Variants in GIN1 observed in about 807,000 individuals in gnomAD.
GIN1 encodes the protein gypsy retrotransposon integrase-like protein 1.
GIN1 carries 41 observed loss-of-function variants against 51.4 expected under a neutral mutation model. The observed-to-expected ratio is 0.80, with a 90% CI of 0.62 to 1.04. GIN1 has a LOEUF of 1.04. Among genes scored for constraint, GIN1 ranks in the 50% least tolerant of loss-of-function variants. The probability of loss-of-function intolerance (pLI) is 0.00; values close to 1 mark genes in which losing one functional copy is unlikely to be tolerated. For missense variants in GIN1, 610 were observed against 612.4 expected, an observed-to-expected ratio of 1.00 and a Z score of 0.04; for synonymous variants, 222 against 206.5, an observed-to-expected ratio of 1.07 and a Z score of -0.64.
At chr5:103,093,538 T>A (rs1787313369) in intron 7 of GIN1, among the ~76,000 whole-genome samples, 1 of 152,228 alleles carries the variant, frequency 6.6e-6, no homozygotes, top group Admixed American at 6.5e-5. Flanking sequence ...TTCAGAATTG[T>A]AATATAATAA....
intron 7 of GIN1, among the ~76,000 whole-genome samples, chr5:103,093,178 A>T (rs772710067): frequency 1.3e-5 from 2 of 152,110 alleles, no homozygotes; most frequent in Non-Finnish European, 2.9e-5. Flanking sequence ...GTGAATATGT[A>T]ATCTTACATG....
intron 4 of GIN1, among the ~76,000 whole-genome samples, chr5:103,103,258 T>A (rs561583270): frequency 6.6e-6 from 1 of 152,348 alleles, no homozygotes; most frequent in East Asian, 1.9e-4. Flanking sequence ...TTGTCACAAC[T>A]CTGCTAAAGG....
At chr5:103,106,627 G>A in intron 3 of GIN1, 89 bp downstream of exon 3, 1 of 748,868 alleles carries the variant, frequency 1.3e-6, no homozygotes, top group Non-Finnish European at 2.1e-6. Context: ...AATGAGAGGT[G>A]ATACCCAGAA....
chr5:103,111,817 C>T (rs893322377), intron 1 of GIN1, among the ~76,000 whole-genome samples: 9 of 152,066 alleles, frequency 5.9e-5, no homozygotes, highest in African/African-American at 2.2e-4. Flanking sequence ...GTCTTCCTCC[C>T]CCTACCCATT....
Position 103,096,631 on chromosome 5 carries a change from C to T in GIN1, c.1204G>A (p.Ala402Thr). 1 of 1,613,550 alleles carries T rather than the reference C, an allele frequency of 6.2e-7. No homozygotes were observed. The highest frequency in any genetic ancestry group is 8.5e-7 in the Non-Finnish European group (1 of 1,179,476). Residue 402 changes from alanine (A) to threonine (T), a missense_variant, in exon 7 of 8, where the codon GCT becomes ACT. Physicochemically the swap from Ala to Thr is moderately conservative, Grantham distance 58 (BLOSUM62 0). Coordinates refer to ENST00000399004, the MANE Select transcript of GIN1 (RefSeq NM_017676.2). ...VIDYITESGC[A>T]VLRDNTGVRL... Reference sequence around the variant, plus strand: ...ACCCCAGTGTTGTCTCTCAGGACAGCACATCCACTTTCTGTAATATAGTCT... The same window carrying T: ...ACCCCAGTGTTGTCTCTCAGGACAGTACATCCACTTTCTGTAATATAGTCT...
intron 4 of GIN1, among the ~76,000 whole-genome samples, chr5:103,100,706 A>G (rs1419732722): frequency 6.6e-6 from 1 of 151,872 alleles, no homozygotes; most frequent in Non-Finnish European, 1.5e-5. Context: ...TGTTACCTTT[A>G]GAAAAATTTT....
At chr5:103,116,695 A>C (rs888616863) in intron 1 of GIN1, among the ~76,000 whole-genome samples, 1 of 152,204 alleles carries the variant, frequency 6.6e-6, no homozygotes. Context: ...ACATATGATA[A>C]ATAACTTTTT....
chr5:103,087,894 T>C lies in GIN1; in HGVS notation c.*4A>G, dbSNP rs782171911. On this transcript the variant is annotated 3_prime_UTR_variant, in exon 8 of 8. Transcript: ENST00000399004. Reference sequence around the variant, plus strand: ...CAAACAATTTAAATAAATTTTGGTATTTACTAACTTAAGTATTCAAGAACC... The same window carrying C: ...CAAACAATTTAAATAAATTTTGGTACTTACTAACTTAAGTATTCAAGAACC... 4.5e-6 allele frequency: 6 copies of C among 1,327,568 alleles called. No individual in the cohort carries two copies. Among genetic ancestry groups the C allele is most frequent in the East Asian group, 2.4e-5 (1 of 41,616 alleles). 82.2% of individuals were successfully genotyped at this position (1,327,568 alleles called of 1,614,324 possible).
At chr5:103,107,609 A>G (rs527709480) in intron 2 of GIN1, among the ~76,000 whole-genome samples, 1 of 152,106 alleles carries the variant, frequency 6.6e-6, no homozygotes, top group Non-Finnish European at 1.5e-5. Context: ...AACACTCCTT[A>G]TTTTTTAGAA....
chr5:103,092,602 A>T (rs933530761), intron 7 of GIN1, among the ~76,000 whole-genome samples: 5 of 152,216 alleles, frequency 3.3e-5, no homozygotes, highest in Admixed American at 6.5e-5. Flanking sequence ...AATCACTGTC[A>T]TTATAATAAC....
At chr5:103,103,019 T>G (rs1245757943) in intron 4 of GIN1, among the ~76,000 whole-genome samples, 1 of 152,254 alleles carries the variant, frequency 6.6e-6, no homozygotes, top group Non-Finnish European at 1.5e-5. Flanking sequence ...ACCTGACAGT[T>G]AATTTTAACA....
intron 1 of GIN1, among the ~76,000 whole-genome samples, chr5:103,110,469 G>A (rs543192728): frequency 6.6e-6 from 1 of 152,254 alleles, no homozygotes; most frequent in South Asian, 2.1e-4. Context: ...AATATCCAAT[G>A]GTCAATAAGC....
intron 2 of GIN1, 83 bp downstream of exon 2, chr5:103,108,486 T>A: frequency 1.1e-6 from 1 of 939,698 alleles, no homozygotes. Context: ...AACCAACTAC[T>A]ACAGAAATTC....
At chr5:103,109,574 C>T (rs1176660622) in intron 1 of GIN1, among the ~76,000 whole-genome samples, 1 of 152,008 alleles carries the variant, frequency 6.6e-6, no homozygotes, top group African/African-American at 2.4e-5. Context: ...CATTTCTTAC[C>T]TTAGGTTAAC....
At chr5:103,099,032 C>A (rs568560637) in intron 4 of GIN1, among the ~76,000 whole-genome samples, 3 of 151,800 alleles carry the variant, frequency 2.0e-5, no homozygotes, top group South Asian at 4.2e-4. Flanking sequence ...GTTGAGTAAA[C>A]CTTTGGCTCA....
At chr5:103,113,338 C>G (rs142673627) in intron 1 of GIN1, among the ~76,000 whole-genome samples, 3 of 152,272 alleles carry the variant, frequency 2.0e-5, no homozygotes, top group East Asian at 1.9e-4. Flanking sequence ...AATACAAGAT[C>G]AAGATGCCAG....
chr5:103,104,484 T>C, intron 4 of GIN1, 57 bp downstream of exon 4: 2 of 820,006 alleles, frequency 2.4e-6, no homozygotes, highest in Non-Finnish European at 4.0e-6. Context: ...GCACTGGTTC[T>C]GGACACTGAA....
chr5:103,101,299 C>T (rs1787567199), intron 4 of GIN1, among the ~76,000 whole-genome samples: 2 of 152,316 alleles, frequency 1.3e-5, no homozygotes, highest in South Asian at 2.1e-4. Context: ...AGATGATTCA[C>T]GTCCCAGTTG....
At chr5:103,103,950 T>C (rs926217507) in intron 4 of GIN1, among the ~76,000 whole-genome samples, 3 of 151,752 alleles carry the variant, frequency 2.0e-5, no homozygotes, top group African/African-American at 7.3e-5. Context: ...CCACCACACC[T>C]GGCTAATTTT....
Sources: allele counts gnomAD v4.1 joint callset (sites outside exome capture counted in the v4.1 genomes callset), GRCh38; gene constraint gnomAD v4.1.1; transcripts MANE v1.5; gene names NCBI Gene and HGNC (gene_info 2026-07-23, HGNC 2026-07-21).